The following WRN variants were observed in gnomAD, a reference collection of about 807,000 sequenced individuals.
WRN encodes WRN RecQ like helicase.
WRN carries 149 observed loss-of-function variants against 180.7 expected under a neutral mutation model. The ratio of observed to expected loss-of-function variants is 0.82; its 90% CI spans 0.72 to 0.94. The LOEUF is 0.94. Among genes scored for constraint, WRN ranks in the 40% least tolerant of loss-of-function variants. The pLI is 0.00. For synonymous variants in WRN, 548 were observed against 568.9 expected, an observed-to-expected ratio of 0.96 and a Z score of 0.52; for missense variants, 1,661 against 1,700.1, an observed-to-expected ratio of 0.98 and a Z score of 0.40.
At chr8:31,098,942 G>T (rs941011907) in intron 17 of WRN, among the ~76,000 whole-genome samples, 1 of 151,986 alleles carries the variant, frequency 6.6e-6, no homozygotes, top group Admixed American at 6.6e-5. Flanking sequence ...TTTAAAATCT[G>T]GGCTGAAGTA....
chr8:31,091,436 C>G (rs1813743568), intron 15 of WRN, among the ~76,000 whole-genome samples: 1 of 152,022 alleles, frequency 6.6e-6, no homozygotes, highest in Non-Finnish European at 1.5e-5. Flanking sequence ...TCAACTTGAA[C>G]ATTTATCATT....
intron 7 of WRN, among the ~76,000 whole-genome samples, chr8:31,070,905 G>A (rs1812889669): frequency 6.6e-6 from 1 of 152,104 alleles, no homozygotes; most frequent in African/African-American, 2.4e-5. Context: ...AATTAGCTGA[G>A]TGTGGTGACG....
At chr8:31,083,591 G>A in intron 9 of WRN, 108 bp from the exon 10 acceptor site, 1 of 750,832 alleles carries the variant, frequency 1.3e-6, no homozygotes, top group South Asian at 1.7e-5. Context: ...ATCCATTAGG[G>A]AAGAGGAAGT....
intron 28 of WRN, 42 bp from the exon 29 acceptor site, chr8:31,147,011 A>G (rs757676186): frequency 5.3e-6 from 8 of 1,519,798 alleles, no homozygotes; most frequent in Non-Finnish European, 7.2e-6. Context: ...CAATGAGGAG[A>G]AAGAAAAGCT....
At position 31,099,177 on chromosome 8, in the gene WRN, T is replaced by G. The variant is rs559591084; in HGVS notation, c.1982-1672T>G. Among the ~76,000 whole-genome samples, 3 of 151,750 alleles carry G rather than the reference T, an allele frequency of 2.0e-5. No homozygotes were observed. The East Asian group carries it at 5.8e-4, about 30-fold the overall frequency. On this transcript the variant is annotated intron_variant, in intron 17 of 34. Coordinates refer to ENST00000298139, the MANE Select transcript of WRN (RefSeq NM_000553.6). Reference sequence around the variant, plus strand: ...ACTTTGGGAGGCCGAGGCGGGTGGATCATGAGGTCAGGAGATCGAGACCAT... The same window carrying G: ...ACTTTGGGAGGCCGAGGCGGGTGGAGCATGAGGTCAGGAGATCGAGACCAT...
At chr8:31,120,662 G>A (rs1287923216) in intron 21 of WRN, among the ~76,000 whole-genome samples, 1 of 151,836 alleles carries the variant, frequency 6.6e-6, no homozygotes, top group Non-Finnish European at 1.5e-5. Flanking sequence ...GTTAGTGTGA[G>A]GAATTAACTA....
At position 31,147,081 on chromosome 8, in the gene WRN, T is replaced by TA; in HGVS notation, c.3413dup (p.Tyr1138Ter). 6.2e-7 allele frequency: 1 copy of TA among 1,613,834 alleles called. No individual in the cohort carries two copies. Among genetic ancestry groups the TA allele is most frequent in the South Asian group, 1.1e-5 (1 of 91,058 alleles). Reference sequence around the variant, plus strand: ...CATGGTACAGTCACCAGAAAAAGCTTACAGTTCCTCACAGCCTGTTATTTC... The same window carrying TA: ...CATGGTACAGTCACCAGAAAAAGCTTAACAGTTCCTCACAGCCTGTTATTTC... ...SIMVQSPEKAYSSSQPVISAQ... is the reference protein window; with the variant it reads ...SIMVQSPEKA The change falls in exon 29 of 35, where the codon TAC becomes TAAC. Residue 1138 changes from tyrosine to a stop codon, truncating the protein, a stop_gained and frameshift_variant. Transcript: ENST00000298139. LOFTEE classifies it high-confidence loss of function.
intron 12 of WRN, among the ~76,000 whole-genome samples, chr8:31,088,519 G>T (rs192078166): frequency 2.0e-5 from 3 of 151,854 alleles, no homozygotes; most frequent in Non-Finnish European, 4.4e-5. Context: ...TTTTTAGTGC[G>T]GGACTAATGT....
chr8:31,114,625 G>C (rs1314113510), intron 19 of WRN, among the ~76,000 whole-genome samples: 1 of 152,124 alleles, frequency 6.6e-6, no homozygotes, highest in African/African-American at 2.4e-5. Flanking sequence ...TGTGATCACT[G>C]TTGGTATTTT....
At chr8:31,120,174 A>G (rs780596200) in intron 20 of WRN, 69 bp from the exon 21 acceptor site, 10 of 1,576,416 alleles carry the variant, frequency 6.3e-6, no homozygotes, top group Non-Finnish European at 8.7e-6. Flanking sequence ...ATTCTTACAA[A>G]AAGGTATAAA....
chr8:31,141,976 G>C (rs1355327260), intron 26 of WRN, among the ~76,000 whole-genome samples: 1 of 151,952 alleles, frequency 6.6e-6, no homozygotes, highest in Non-Finnish European at 1.5e-5. Flanking sequence ...AAGAGACAGA[G>C]TCTCTCTGTG....
At chr8:31,060,515 G>C (rs1363891600) in intron 3 of WRN, among the ~76,000 whole-genome samples, 1 of 152,126 alleles carries the variant, frequency 6.6e-6, no homozygotes, top group African/African-American at 2.4e-5. Flanking sequence ...CTCCAGCCTG[G>C]GCAACAGGGC....
intron 17 of WRN, among the ~76,000 whole-genome samples, chr8:31,100,031 A>G (rs2130224075): frequency 6.6e-6 from 1 of 152,332 alleles, no homozygotes; most frequent in South Asian, 2.1e-4. Context: ...AACATTATTA[A>G]TGCTCAGAGA....
intron 13 of WRN, among the ~76,000 whole-genome samples, chr8:31,089,319 G>A (rs1317284395): frequency 5.3e-5 from 8 of 151,958 alleles, no homozygotes; most frequent in African/African-American, 1.4e-4. Flanking sequence ...ACATGCAGAT[G>A]TACTAGAAGT....
At chr8:31,167,644 T>C (rs978075300) in intron 34 of WRN, among the ~76,000 whole-genome samples, 3 of 152,110 alleles carry the variant, frequency 2.0e-5, no homozygotes, top group Non-Finnish European at 2.9e-5. Context: ...TAGTATGATA[T>C]TGAATATCTG....
At chr8:31,144,444 T>G (rs1802783455) in intron 28 of WRN, among the ~76,000 whole-genome samples, 1 of 151,888 alleles carries the variant, frequency 6.6e-6, no homozygotes. Context: ...CAAGCGATTC[T>G]CCTGTCTTAG....
intron 19 of WRN, among the ~76,000 whole-genome samples, chr8:31,112,715 T>C (rs548067421): frequency 6.6e-6 from 1 of 152,132 alleles, no homozygotes; most frequent in African/African-American, 2.4e-5. Flanking sequence ...GTCTCCCAAG[T>C]AGCTGAAATT....
intron 3 of WRN, among the ~76,000 whole-genome samples, chr8:31,062,834 T>C (rs11574187): frequency 0.021 from 3,125 of 152,266 alleles, 67 homozygotes; most frequent in African/African-American, 0.052. Context: ...TTGTGCATTT[T>C]TTTTTCTTTT....
intron 16 of WRN, among the ~76,000 whole-genome samples, chr8:31,093,406 G>T (rs1438626164): frequency 6.6e-6 from 1 of 151,864 alleles, no homozygotes; most frequent in East Asian, 1.9e-4. Context: ...TGATGCAGTT[G>T]TTGTTGTTGT....
Sources: allele counts gnomAD v4.1 joint callset (sites outside exome capture counted in the v4.1 genomes callset), GRCh38; gene constraint gnomAD v4.1.1; transcripts MANE v1.5; gene names NCBI Gene and HGNC (gene_info 2026-07-23, HGNC 2026-07-21).